RFX7: variants seen among roughly 807,000 people sequenced by gnomAD.
RFX7 encodes regulatory factor X7, also known as DNA-binding protein RFX7.
In RFX7, 26 loss-of-function variants were observed where a neutral mutation model predicts 111.8. The observed-to-expected ratio is 0.23, with a 90% CI of 0.17 to 0.32. The LOEUF (loss-of-function observed/expected upper bound fraction) is 0.32. Among genes scored for constraint, RFX7 ranks in the 10% least tolerant of loss-of-function variants. The pLI is 1.00. For missense variants in RFX7, 1,573 were observed against 1,772.9 expected, an observed-to-expected ratio of 0.89 and a Z score of 2.02; for synonymous variants, 624 against 624.4, an observed-to-expected ratio of 1.00 and a Z score of 0.01.
chr15:56,170,540 T>C (rs1400806374), intron 3 of RFX7, among the ~76,000 whole-genome samples: 2 of 152,132 alleles, frequency 1.3e-5, no homozygotes, highest in East Asian at 3.9e-4. Flanking sequence ...TGTCTCCATA[T>C]ATTGTCAAAT....
chr15:56,231,149 T>C (rs1387111026), intron 2 of RFX7, among the ~76,000 whole-genome samples: 1 of 152,212 alleles, frequency 6.6e-6, no homozygotes, highest in African/African-American at 2.4e-5. Context: ...AAGGCTTATT[T>C]TGACTGCAAT....
intron 3 of RFX7, among the ~76,000 whole-genome samples, chr15:56,152,388 G>C (rs2042582836): frequency 6.6e-6 from 1 of 152,090 alleles, no homozygotes; most frequent in Non-Finnish European, 1.5e-5. Context: ...TAGAACTCAG[G>C]GTTAAGAAAC....
chr15:56,095,057 G>A lies in RFX7; in HGVS notation c.2671C>T (p.Leu891=). The stretch of plus-strand genomic sequence containing the variant: ...GACATTTGCTGCTCCATAAGCACCA[G>A]CTCTTCCACAATACTATCTTGTGTA... ...ELTQDSIVEE[L]VLMEQQMSMN... The change falls in exon 10 of 10, where the codon CTG becomes TTG. Residue 891 remains leucine, a synonymous_variant. Coordinates refer to ENST00000559447, the MANE Select transcript of RFX7 (RefSeq NM_022841.7). 2 of 1,613,916 alleles carry A rather than the reference G, an allele frequency of 1.2e-6. No homozygotes were observed. Among genetic ancestry groups the A allele is most frequent in the Non-Finnish European group, 1.7e-6 (2 of 1,179,886 alleles).
rs191773270 is a variant in RFX7, at chr15:56,094,234, C to T, written c.3494G>A (p.Arg1165Gln). Residue 1165 changes from arginine (R) to glutamine (Q), a missense_variant, in exon 10 of 10, where the codon CGG becomes CAG. Arg to Gln is a conservative substitution (Grantham distance 43). Transcript: ENST00000559447. ...NSSASSNFRC[R>Q]SVSPAVHRQR... ...GCGATGAACAGCAGGGCTCACACTC[C>T]GGCATCTGAAGTTGCTGCTGGCAGA... The T allele has an allele frequency of 5.6e-5, 91 of 1,613,938 alleles. No individual in the cohort carries two copies. The highest frequency in any genetic ancestry group is 3.8e-4 in the East Asian group (17 of 44,882).
At chr15:56,208,814 T>C (rs1377155676) in intron 2 of RFX7, among the ~76,000 whole-genome samples, 1 of 152,068 alleles carries the variant, frequency 6.6e-6, no homozygotes, top group Non-Finnish European at 1.5e-5. Context: ...CAGCTTGAGG[T>C]TTAACTTGGT....
chr15:56,231,562 G>A (rs750838726), intron 2 of RFX7, among the ~76,000 whole-genome samples: 1 of 152,108 alleles, frequency 6.6e-6, no homozygotes. Context: ...CACAACACAT[G>A]GGAATTATGG....
intron 2 of RFX7, among the ~76,000 whole-genome samples, chr15:56,225,441 A>G (rs1351446972): frequency 6.6e-6 from 1 of 152,152 alleles, no homozygotes; most frequent in Non-Finnish European, 1.5e-5. Flanking sequence ...GTGCTGGAAT[A>G]TGCACTCCAA....
chr15:56,229,378 A>G (rs536740857), intron 2 of RFX7, among the ~76,000 whole-genome samples: 125 of 151,846 alleles, frequency 8.2e-4, no homozygotes, highest in African/African-American at 3.0e-3. Flanking sequence ...CCATTCTCCT[A>G]CCTCAGCCTC....
intron 5 of RFX7, among the ~76,000 whole-genome samples, chr15:56,111,437 C>A (rs867604622): frequency 4.2e-4 from 63 of 151,246 alleles, no homozygotes; most frequent in Non-Finnish European, 7.0e-4. Flanking sequence ...GTTAAACAGA[C>A]GCTTGAAGGC....
intron 2 of RFX7, among the ~76,000 whole-genome samples, chr15:56,208,624 T>A (rs1253067842): frequency 6.6e-6 from 1 of 152,090 alleles, no homozygotes; most frequent in Admixed American, 6.5e-5. Flanking sequence ...GAATTTAAAA[T>A]GATTATGATT....
intron 5 of RFX7, among the ~76,000 whole-genome samples, chr15:56,110,251 C>T (rs1488707627): frequency 9.5e-6 from 1 of 105,706 alleles, no homozygotes; most frequent in Non-Finnish European, 2.1e-5. Context: ...CCAGCCGCCC[C>T]GTCCGGGAGG....
At chr15:56,133,576 G>A (rs2042246909) in intron 5 of RFX7, among the ~76,000 whole-genome samples, 1 of 151,900 alleles carries the variant, frequency 6.6e-6, no homozygotes, top group East Asian at 1.9e-4. Context: ...ATTTCATTTA[G>A]GCACTCTAAA....
intron 3 of RFX7, among the ~76,000 whole-genome samples, chr15:56,172,050 A>G (rs1390838518): frequency 2.0e-5 from 3 of 152,148 alleles, no homozygotes; most frequent in African/African-American, 4.8e-5. Flanking sequence ...ATCTTAAGGA[A>G]TTTTAAAAAT....
intron 2 of RFX7, among the ~76,000 whole-genome samples, chr15:56,225,944 T>G (rs2141222451): frequency 6.6e-6 from 1 of 152,162 alleles, no homozygotes; most frequent in Admixed American, 6.6e-5. Context: ...ATAAATTATA[T>G]GAATAACTAT....
chr15:56,173,809 C>T (rs1354381027), intron 3 of RFX7, among the ~76,000 whole-genome samples: 1 of 151,284 alleles, frequency 6.6e-6, no homozygotes, highest in South Asian at 2.1e-4. Flanking sequence ...AAAGGGACCA[C>T]AAAAATGATA....
intron 5 of RFX7, among the ~76,000 whole-genome samples, chr15:56,107,009 G>A (rs2041838125): frequency 6.6e-6 from 1 of 152,050 alleles, no homozygotes; most frequent in Admixed American, 6.6e-5. Flanking sequence ...ACACTCTAAT[G>A]TCATTTTAAA....
intron 4 of RFX7, among the ~76,000 whole-genome samples, chr15:56,143,990 G>A (rs923533905): frequency 2.6e-5 from 4 of 151,946 alleles, no homozygotes; most frequent in Non-Finnish European, 5.9e-5. Context: ...TTTCATACAG[G>A]CAATTTCACT....
chr15:56,221,680 T>C (rs1284677466), intron 2 of RFX7, among the ~76,000 whole-genome samples: 1 of 152,172 alleles, frequency 6.6e-6, no homozygotes, highest in Non-Finnish European at 1.5e-5. Flanking sequence ...ATCACCTCTA[T>C]TGGCTTTTTA....
intron 2 of RFX7, among the ~76,000 whole-genome samples, chr15:56,182,277 T>C (rs1399677901): frequency 6.6e-6 from 1 of 152,014 alleles, no homozygotes; most frequent in Admixed American, 6.6e-5. Context: ...GCCAAAATGG[T>C]TGGGGACTGC....
Sources: allele counts gnomAD v4.1 joint callset (sites outside exome capture counted in the v4.1 genomes callset), GRCh38; gene constraint gnomAD v4.1.1; transcripts MANE v1.5; gene names NCBI Gene and HGNC (gene_info 2026-07-23, HGNC 2026-07-21).